Variants in C2orf76 observed in about 807,000 individuals in gnomAD.
C2orf76 encodes UPF0538 protein C2orf76.
A neutral mutation model predicts 16.9 loss-of-function variants in C2orf76; 23 were observed. The ratio of observed to expected loss-of-function variants is 1.36; its 90% confidence interval spans 0.98 to 1.93. The LOEUF (loss-of-function observed/expected upper bound fraction) is 1.93, where lower values mean the gene tolerates loss of function less well. Among genes scored for constraint, C2orf76 ranks in the 30% most tolerant of loss-of-function variants. C2orf76 has a pLI of 0.00. For synonymous variants in C2orf76, 48 were observed against 52.3 expected, an observed-to-expected ratio of 0.92 and a Z score of 0.35; for missense variants, 152 against 152.6, an observed-to-expected ratio of 1.00 and a Z score of 0.02.
intron 2 of C2orf76, among the ~76,000 whole-genome samples, chr2:119,325,514 G>T (rs913703132): frequency 6.6e-6 from 1 of 150,532 alleles, no homozygotes; most frequent in African/African-American, 2.4e-5. Context: ...AGCTACTCAG[G>T]AGGCTGAAGC....
chr2:119,353,968 G>A (rs1309097334), intron 1 of C2orf76, among the ~76,000 whole-genome samples: 4 of 152,090 alleles, frequency 2.6e-5, no homozygotes, highest in African/African-American at 2.4e-5. Flanking sequence ...CAGTTCTGGC[G>A]TTCTATGGTT....
chr2:119,294,901 T>G, the C2orf76 span, among the ~76,000 whole-genome samples: 1 of 151,818 alleles, frequency 6.6e-6, no homozygotes, highest in African/African-American at 2.4e-5. Context: ...TAGGCAGAGA[T>G]TGATGAGAAG....
At chr2:119,301,710 T>C (rs1678625449), downstream of C2orf76, among the ~76,000 whole-genome samples, 1 of 152,170 alleles carries the variant, frequency 6.6e-6, no homozygotes. Context: ...ACAAGTATTA[T>C]ATTATTTAGA....
At chr2:119,309,942 CATTAT>C (rs748735690) in intron 5 of C2orf76, among the ~76,000 whole-genome samples, 1 of 152,110 alleles carries the variant, frequency 6.6e-6, no homozygotes, top group Non-Finnish European at 1.5e-5. Context: ...AATTTTTTTA[CATTAT>C]AACATTTAAC....
At chr2:119,283,347 C>T in the C2orf76 span, among the ~76,000 whole-genome samples, 1 of 152,250 alleles carries the variant, frequency 6.6e-6, no homozygotes, top group Admixed American at 6.5e-5. Context: ...TCCTGGGCAT[C>T]CAGCCCAGGG....
intron 3 of C2orf76, among the ~76,000 whole-genome samples, chr2:119,318,569 G>A (rs566203492): frequency 1.4e-5 from 2 of 145,284 alleles, no homozygotes; most frequent in East Asian, 4.0e-4. Flanking sequence ...TTGCTCTGTC[G>A]CCTTGGCTGC....
At chr2:119,364,067 G>A (rs1437888376) in intron 1 of C2orf76, among the ~76,000 whole-genome samples, 4 of 145,434 alleles carry the variant, frequency 2.8e-5, no homozygotes, top group East Asian at 2.0e-4. Context: ...GACAGACAGA[G>A]ATAGGAGAAA....
chr2:119,285,793 A>T, the C2orf76 span, among the ~76,000 whole-genome samples: 1 of 152,214 alleles, frequency 6.6e-6, no homozygotes, highest in Non-Finnish European at 1.5e-5. Flanking sequence ...TAGCAAGGAA[A>T]GTGAATCCAT....
At chr2:119,319,443 CACAA>C (rs1321742732) in intron 3 of C2orf76, among the ~76,000 whole-genome samples, 2 of 152,158 alleles carry the variant, frequency 1.3e-5, no homozygotes, top group African/African-American at 4.8e-5. Flanking sequence ...TCATAATTAT[CACAA>C]ACAATACCTG....
intron 4 of C2orf76, among the ~76,000 whole-genome samples, chr2:119,314,697 A>T (rs1288008047): frequency 6.6e-6 from 1 of 152,138 alleles, no homozygotes; most frequent in Non-Finnish European, 1.5e-5. Context: ...TATTTTTTAC[A>T]TACTGATTTT....
chr2:119,329,644 T>C (rs1467679034), intron 2 of C2orf76, among the ~76,000 whole-genome samples: 2 of 152,226 alleles, frequency 1.3e-5, no homozygotes, highest in Middle Eastern at 3.4e-3. Context: ...AACCCTTAGA[T>C]TGTGGGGTTG....
At chr2:119,310,022 A>C (rs1178429550) in intron 5 of C2orf76, among the ~76,000 whole-genome samples, 1 of 152,218 alleles carries the variant, frequency 6.6e-6, no homozygotes, top group East Asian at 1.9e-4. Context: ...TATTTTCCTG[A>C]ATGCTTTGGC....
intron 4 of C2orf76, among the ~76,000 whole-genome samples, chr2:119,314,040 A>G (rs1033065776): frequency 6.0e-5 from 3 of 49,776 alleles, no homozygotes; most frequent in African/African-American, 2.8e-4. Flanking sequence ...TTTTTTTTAC[A>G]TAGAAGGTGT....
the C2orf76 span, among the ~76,000 whole-genome samples, chr2:119,283,722 G>A: frequency 3.3e-5 from 5 of 152,192 alleles, no homozygotes; most frequent in Non-Finnish European, 4.4e-5. Flanking sequence ...TGATCCAACC[G>A]CCTCAGCCTC....
At position 119,342,823 on chromosome 2, in the gene C2orf76, C is replaced by G. The variant is rs188658996; in HGVS notation, c.-12-2852G>C. ...GTCGCCAGGCTGGAGTGCGGTGGTGCCATCTTGGCTCACTGCAACGTCCCT... is the reference window on the plus strand; with the variant it reads ...GTCGCCAGGCTGGAGTGCGGTGGTGGCATCTTGGCTCACTGCAACGTCCCT... On this transcript the variant is annotated intron_variant, in intron 1 of 5. Transcript: ENST00000334816. Among the ~76,000 whole-genome samples, 611 of 151,948 alleles carry G rather than the reference C, an allele frequency of 4.0e-3. 6 individuals carry two copies. Among genetic ancestry groups the G allele is most frequent in the Middle Eastern group, 0.014 (4 of 294 alleles).
intron 2 of C2orf76, among the ~76,000 whole-genome samples, chr2:119,339,404 A>G (rs1164438081): frequency 1.3e-5 from 2 of 152,080 alleles, no homozygotes; most frequent in South Asian, 2.1e-4. Flanking sequence ...AGCAGCTCTC[A>G]TGACTTCCTG....
intron 4 of C2orf76, among the ~76,000 whole-genome samples, chr2:119,313,380 G>A (rs912654983): frequency 1.1e-4 from 17 of 152,038 alleles, no homozygotes; most frequent in Admixed American, 1.0e-3. Flanking sequence ...TTGAGCCCAG[G>A]AGTTTGAGAC....
chr2:119,359,275 C>A (rs1487562671), intron 1 of C2orf76, among the ~76,000 whole-genome samples: 2 of 152,218 alleles, frequency 1.3e-5, no homozygotes, highest in East Asian at 3.8e-4. Flanking sequence ...TGCTCATTGA[C>A]AATGCACCTG....
intron 2 of C2orf76, among the ~76,000 whole-genome samples, chr2:119,337,685 G>A (rs1030000191): frequency 2.0e-5 from 3 of 152,122 alleles, no homozygotes; most frequent in African/African-American, 4.8e-5. Context: ...ACTCAGAAAA[G>A]TCTGTACCCC....
Sources: allele counts gnomAD v4.1 joint callset (sites outside exome capture counted in the v4.1 genomes callset), GRCh38; gene constraint gnomAD v4.1.1; transcripts MANE v1.5; gene names NCBI Gene and HGNC (gene_info 2026-07-23, HGNC 2026-07-21).